Variants in TMEM41B observed in about 807,000 individuals in gnomAD.
TMEM41B encodes transmembrane protein 41B.
TMEM41B carries 18 observed loss-of-function variants against 31.9 expected under a neutral mutation model. That is an observed-to-expected ratio of 0.56 (90% CI 0.39 to 0.84). The LOEUF (loss-of-function observed/expected upper bound fraction) is 0.84, where lower values mean the gene tolerates loss of function less well. Among genes scored for constraint, TMEM41B ranks in the 40% least tolerant of loss-of-function variants. The probability of loss-of-function intolerance (pLI) is 0.00; values close to 1 mark genes in which losing one functional copy is unlikely to be tolerated. For missense variants in TMEM41B, 322 were observed against 348.0 expected (o/e 0.93, Z 0.59); for synonymous variants, 144 against 124.3 (o/e 1.16, Z -1.05).
Position 9,283,571 on chromosome 11 carries a change from T to C in TMEM41B, c.729A>G (p.Val243=). The change falls in exon 7 of 7, where the codon GTA becomes GTG. Residue 243 remains valine, a synonymous_variant. Transcript: ENST00000528080. ...TFLGVAPPSF[V]AIKAGTTLYQ... Reference sequence around the variant, plus strand: ...ACAGTGTTGTTCCTGCCTTAATGGCTACAAAAGAAGGAGGTGCGACACCTG... The same window carrying C: ...ACAGTGTTGTTCCTGCCTTAATGGCCACAAAAGAAGGAGGTGCGACACCTG... The C allele has an allele frequency of 6.2e-7, 1 of 1,606,256 alleles. No homozygotes were observed.
chr11:9,311,509 G>C, intron 1 of TMEM41B: 1 of 1,395,006 alleles, frequency 7.2e-7, no homozygotes, highest in Non-Finnish European at 1.0e-6. Context: ...GGCACAGGAT[G>C]AGGGGGCCAA....
At chr11:9,308,837 C>G (rs752315965) in intron 1 of TMEM41B, among the ~76,000 whole-genome samples, 1 of 152,098 alleles carries the variant, frequency 6.6e-6, no homozygotes, top group African/African-American at 2.4e-5. Context: ...AGACTTCATC[C>G]GTAATACTAG....
chr11:9,298,216 T>C (rs917428626), intron 2 of TMEM41B, among the ~76,000 whole-genome samples: 3 of 151,730 alleles, frequency 2.0e-5, no homozygotes, highest in Admixed American at 6.6e-5. Context: ...CCCAGCACTT[T>C]GGGAGGTCAA....
chr11:9,288,629 T>C, intron 3 of TMEM41B, 94 bp from the exon 4 acceptor site: 1 of 855,994 alleles, frequency 1.2e-6, no homozygotes, highest in Non-Finnish European at 1.8e-6. Flanking sequence ...ATACAAAAAT[T>C]ATCATACAAT....
chr11:9,306,583 T>C (rs1853402693), intron 1 of TMEM41B, among the ~76,000 whole-genome samples: 1 of 151,758 alleles, frequency 6.6e-6, no homozygotes, highest in Non-Finnish European at 1.5e-5. Flanking sequence ...CTACTCAGGA[T>C]GCTGAGGCAG....
chr11:9,291,489 C>T (rs1852958544), intron 3 of TMEM41B, among the ~76,000 whole-genome samples: 1 of 151,748 alleles, frequency 6.6e-6, no homozygotes, highest in Admixed American at 6.6e-5. Context: ...GCAACCCCTG[C>T]CTCCCAGGTT....
intron 6 of TMEM41B, among the ~76,000 whole-genome samples, chr11:9,283,903 G>T (rs961534187): frequency 1.3e-5 from 2 of 151,904 alleles, no homozygotes; most frequent in East Asian, 1.9e-4. Context: ...TCCTGCCTCA[G>T]CCTCCCGAGT....
In TMEM41B at chr11:9,288,529, T is replaced by C; in HGVS notation, c.375A>G (p.Gln125=). The C allele has an allele frequency of 6.4e-7, 1 of 1,573,888 alleles. No homozygotes were observed. Among genetic ancestry groups the C allele is most frequent in the South Asian group, 1.2e-5 (1 of 81,892 alleles). ...VAYFATYIFL[Q]TFAIPGSIFL... ...ATATAGAGCCTGGAATAGCAAATGT[T>C]TGCAAGCTGGTAACTTTTAAGTTAA... The change falls in exon 4 of 7, where the codon CAA becomes CAG. Residue 125 remains glutamine, a synonymous_variant. Transcript: ENST00000528080.
chr11:9,286,367 C>A (rs1852836999), intron 6 of TMEM41B, 88 bp downstream of exon 6: 1 of 1,332,370 alleles, frequency 7.5e-7, no homozygotes, highest in Non-Finnish European at 1.0e-6. Context: ...GCATAATCTG[C>A]AGAGAGCATG....
At chr11:9,290,620 C>T (rs745623325) in intron 3 of TMEM41B, among the ~76,000 whole-genome samples, 10 of 151,616 alleles carry the variant, frequency 6.6e-5, no homozygotes, top group African/African-American at 9.7e-5. Context: ...GAAATTTTCC[C>T]TTGAGGAAAT....
At chr11:9,310,473 T>G (rs1236892234) in intron 1 of TMEM41B, among the ~76,000 whole-genome samples, 1 of 152,074 alleles carries the variant, frequency 6.6e-6, no homozygotes, top group African/African-American at 2.4e-5. Flanking sequence ...TTATTATTGA[T>G]TATCCATCAA....
chr11:9,312,540 G>A (rs1352782888), intron 1 of TMEM41B, among the ~76,000 whole-genome samples: 1 of 151,978 alleles, frequency 6.6e-6, no homozygotes. Flanking sequence ...ATGAAGTGAA[G>A]GCACGCCTTC....
intron 1 of TMEM41B, among the ~76,000 whole-genome samples, chr11:9,301,433 T>C (rs1227635115): frequency 6.6e-6 from 1 of 152,208 alleles, no homozygotes; most frequent in African/African-American, 2.4e-5. Flanking sequence ...GATTCAACTA[T>C]TGCACAGGTG....
intron 4 of TMEM41B, chr11:9,288,198 C>T (rs1590372546): frequency 5.7e-6 from 2 of 348,478 alleles, no homozygotes; most frequent in South Asian, 4.5e-5. Flanking sequence ...CTTGGACTGT[C>T]GCAGTTACAA....
intron 2 of TMEM41B, among the ~76,000 whole-genome samples, chr11:9,295,980 C>A (rs1441997014): frequency 6.6e-6 from 1 of 151,796 alleles, no homozygotes; most frequent in Non-Finnish European, 1.5e-5. Flanking sequence ...CCTCAGTCTC[C>A]CAAGTAGCTG....
intron 3 of TMEM41B, among the ~76,000 whole-genome samples, chr11:9,290,461 G>C (rs777744112): frequency 2.0e-5 from 3 of 151,978 alleles, no homozygotes; most frequent in Non-Finnish European, 4.4e-5. Context: ...ATGACAAGTT[G>C]ATGGGTACAG....
intron 3 of TMEM41B, among the ~76,000 whole-genome samples, chr11:9,290,205 C>T (rs956066466): frequency 4.6e-5 from 7 of 152,038 alleles, no homozygotes; most frequent in Non-Finnish European, 8.8e-5. Flanking sequence ...ATGGTGAAAC[C>T]GTCTCTACTA....
intron 2 of TMEM41B, among the ~76,000 whole-genome samples, chr11:9,296,406 G>A (rs1043547659): frequency 2.0e-5 from 3 of 151,620 alleles, no homozygotes; most frequent in African/African-American, 7.2e-5. Flanking sequence ...CGGGTGGATC[G>A]CCTGACATGA....
At chr11:9,301,452 A>C (rs1309068976) in intron 1 of TMEM41B, among the ~76,000 whole-genome samples, 1 of 152,224 alleles carries the variant, frequency 6.6e-6, no homozygotes, top group Admixed American at 6.5e-5. Flanking sequence ...TGGCTTTCAA[A>C]CACGCGTTTA....
Sources: allele counts gnomAD v4.1 joint callset (sites outside exome capture counted in the v4.1 genomes callset), GRCh38; gene constraint gnomAD v4.1.1; transcripts MANE v1.5; gene names NCBI Gene and HGNC (gene_info 2026-07-23, HGNC 2026-07-21).